ASCC3: variants seen among roughly 807,000 people sequenced by gnomAD.
ASCC3 encodes ASC-1 complex subunit P200.
A neutral mutation model predicts 256.3 loss-of-function variants in ASCC3; 158 were observed. The observed-to-expected ratio is 0.62, with a 90% CI of 0.54 to 0.70. The LOEUF is 0.70. ASCC3 is among the 30% of genes least tolerant of loss of function. The pLI is 0.00. For missense variants in ASCC3, 2,259 were observed against 2,626.0 expected (o/e 0.86, Z 3.05); for synonymous variants, 948 against 883.4 (o/e 1.07, Z -1.30).
intron 36 of ASCC3, among the ~76,000 whole-genome samples, chr6:100,569,106 G>C (rs1021786588): frequency 6.6e-6 from 1 of 152,062 alleles, no homozygotes; most frequent in Non-Finnish European, 1.5e-5. Context: ...GATTCTTACA[G>C]TTTGAAGTCT....
In ASCC3 at chr6:100,588,126, C is replaced by T. The variant is rs1485312745; in HGVS notation, c.5550+1508G>A. Among the ~76,000 whole-genome samples the T allele has an allele frequency of 4.6e-5, 7 of 152,030 alleles. No individual in the cohort carries two copies. The East Asian group carries it at 1.2e-3, about 25-fold the overall frequency. The stretch of plus-strand genomic sequence containing the variant: ...TAGACTGCAAACCACTCACTTTGGA[C>T]AAGATGGTTAATCTTTAAAATGGGA... On this transcript the variant is annotated intron_variant, in intron 36 of 41. Coordinates refer to ENST00000369162, the MANE Select transcript of ASCC3 (RefSeq NM_006828.4).
intron 36 of ASCC3, among the ~76,000 whole-genome samples, chr6:100,552,430 T>A (rs1769345039): frequency 6.6e-6 from 1 of 152,042 alleles, no homozygotes; most frequent in Non-Finnish European, 1.5e-5. Flanking sequence ...TATATGTGAT[T>A]GCATCATTGA....
intron 30 of ASCC3, among the ~76,000 whole-genome samples, chr6:100,621,967 C>T (rs762819653): frequency 6.6e-5 from 10 of 152,120 alleles, no homozygotes; most frequent in Admixed American, 2.0e-4. Flanking sequence ...AAGCTGTTAT[C>T]CTCAGCAAAC....
chr6:100,577,847 C>A (rs1465086556), intron 36 of ASCC3, among the ~76,000 whole-genome samples: 1 of 151,944 alleles, frequency 6.6e-6, no homozygotes, highest in Admixed American at 6.6e-5. Context: ...ATTGTAGACA[C>A]ACAATAAATA....
Position 100,680,002 on chromosome 6 carries a change from T to G in ASCC3, c.2152-250A>C, listed in dbSNP as rs112628551. Among the ~76,000 whole-genome samples the G allele has an allele frequency of 3.3e-5, 5 of 152,284 alleles. 1 individual carries two copies. The highest frequency in any genetic ancestry group is 1.2e-4 in the African/African-American group (5 of 41,552). Reference sequence around the variant, plus strand: ...AAATTTGGAGTTTAATTTGTATGTTTCTCTTTTGAATACATAATTCATTAT... The same window carrying G: ...AAATTTGGAGTTTAATTTGTATGTTGCTCTTTTGAATACATAATTCATTAT... On this transcript the variant is annotated intron_variant, in intron 13 of 41. Transcript: ENST00000369162.
intron 15 of ASCC3, 61 bp from the exon 16 acceptor site, chr6:100,662,091 C>T (rs1448806247): frequency 2.7e-6 from 4 of 1,488,088 alleles, no homozygotes; most frequent in African/African-American, 1.4e-5. Flanking sequence ...TCCTGATGAA[C>T]TGAATACTGA....
At chr6:100,766,759 G>C in intron 9 of ASCC3, 54 bp from the exon 10 acceptor site, 1 of 1,602,844 alleles carries the variant, frequency 6.2e-7, no homozygotes, top group Non-Finnish European at 8.5e-7. Flanking sequence ...CATGTCATTT[G>C]TCTTACAGTA....
chr6:100,778,722 G>T (rs920145800), intron 8 of ASCC3, among the ~76,000 whole-genome samples: 1 of 151,984 alleles, frequency 6.6e-6, no homozygotes, highest in African/African-American at 2.4e-5. Flanking sequence ...CAACAATGCA[G>T]ATTTTTTAAT....
At chr6:100,634,962 G>T (rs1279727310) in intron 25 of ASCC3, among the ~76,000 whole-genome samples, 1 of 151,934 alleles carries the variant, frequency 6.6e-6, no homozygotes, top group Non-Finnish European at 1.5e-5. Flanking sequence ...ATGATTGGTG[G>T]TAATGTAAAC....
intron 21 of ASCC3, 106 bp downstream of exon 21, chr6:100,647,120 T>G (rs1775419271): frequency 9.1e-7 from 1 of 1,096,104 alleles, no homozygotes; most frequent in Non-Finnish European, 1.3e-6. Flanking sequence ...TACGGTAAAA[T>G]TTTTATTTTG....
At chr6:100,565,196 G>A (rs1202168507) in intron 36 of ASCC3, among the ~76,000 whole-genome samples, 1 of 152,042 alleles carries the variant, frequency 6.6e-6, no homozygotes, top group Non-Finnish European at 1.5e-5. Flanking sequence ...CTAATAAAAT[G>A]GCCAATTTGA....
intron 30 of ASCC3, among the ~76,000 whole-genome samples, chr6:100,611,805 A>G (rs540854220): frequency 1.1e-3 from 167 of 152,068 alleles, no homozygotes; most frequent in Admixed American, 3.0e-3. Context: ...TATTTTATAC[A>G]TAAAATGGAT....
At chr6:100,807,079 C>T (rs1770221607) in intron 4 of ASCC3, among the ~76,000 whole-genome samples, 1 of 151,824 alleles carries the variant, frequency 6.6e-6, no homozygotes, top group South Asian at 2.1e-4. Flanking sequence ...CTCCACTGCA[C>T]TATATTAACA....
chr6:100,627,771 A>C (rs1009422957), intron 28 of ASCC3, 61 bp from the exon 29 acceptor site: 6 of 1,608,078 alleles, frequency 3.7e-6, no homozygotes, highest in Non-Finnish European at 5.1e-6. Flanking sequence ...ATAAGGTTAT[A>C]ATATCTCTTA....
chr6:100,653,444 C>T (rs2114915860), intron 17 of ASCC3, among the ~76,000 whole-genome samples: 1 of 152,074 alleles, frequency 6.6e-6, no homozygotes, highest in African/African-American at 2.4e-5. Context: ...TTCAGAGCAG[C>T]CTGACAAACA....
intron 13 of ASCC3, among the ~76,000 whole-genome samples, chr6:100,713,109 CA>C (rs2115017433): frequency 1.3e-5 from 2 of 152,166 alleles, no homozygotes; most frequent in South Asian, 4.1e-4. Context: ...TACGTCCGGA[CA>C]AAAACCTGCA....
intron 14 of ASCC3, among the ~76,000 whole-genome samples, chr6:100,671,415 G>A (rs1000625874): frequency 2.0e-5 from 3 of 152,142 alleles, no homozygotes; most frequent in Admixed American, 1.3e-4. Flanking sequence ...AGACGATTTG[G>A]ATTCTCCACA....
chr6:100,853,686 C>G (rs1772802915), intron 3 of ASCC3, among the ~76,000 whole-genome samples: 2 of 152,146 alleles, frequency 1.3e-5, no homozygotes, highest in Admixed American at 6.5e-5. Flanking sequence ...TGGTCTCAAA[C>G]TCCTGAGTTC....
chr6:100,535,466 GTTTTTTTTTTTT>G (rs34575315), intron 37 of ASCC3, among the ~76,000 whole-genome samples: 1 of 98,626 alleles, frequency 1.0e-5, no homozygotes, highest in African/African-American at 3.8e-5. Context: ...TGGTTTTCGT[GTTTTTTTTTTTT>G]TTTTTTTTTG....
Sources: allele counts gnomAD v4.1 joint callset (sites outside exome capture counted in the v4.1 genomes callset), GRCh38; gene constraint gnomAD v4.1.1; transcripts MANE v1.5; gene names NCBI Gene and HGNC (gene_info 2026-07-23, HGNC 2026-07-21).